The following GCKR variants were observed in gnomAD, a reference collection of about 807,000 sequenced individuals.
The protein encoded by GCKR is glucokinase regulator.
A neutral mutation model predicts 82.9 loss-of-function variants in GCKR; 73 were observed. The observed-to-expected ratio is 0.88, with a 90% CI of 0.73 to 1.07. The LOEUF (loss-of-function observed/expected upper bound fraction) is 1.07. Among genes scored for constraint, GCKR ranks in the 50% least tolerant of loss-of-function variants. GCKR has a pLI of 0.00. For synonymous variants in GCKR, 294 were observed against 291.8 expected (o/e 1.01, Z -0.08); for missense variants, 784 against 782.1 (o/e 1.00, Z -0.03).
intron 16 of GCKR, among the ~76,000 whole-genome samples, chr2:27,512,317 C>T (rs1199561347): frequency 6.8e-6 from 1 of 148,066 alleles, no homozygotes; most frequent in Non-Finnish European, 1.5e-5. Context: ...GTGGGTGGAT[C>T]ACAAGGTCAA....
At position 27,508,355 on chromosome 2, in the gene GCKR, C is replaced by T. The variant is rs978699787; in HGVS notation, c.1422+104C>T. 13 of 801,274 alleles carry T rather than the reference C, an allele frequency of 1.6e-5. No homozygotes were observed. The African/African-American group carries it at 1.8e-4, about 11-fold the overall frequency. 49.6% of individuals were successfully genotyped at this position (801,274 alleles called of 1,614,324 possible). A position where few individuals can be genotyped will look rare whatever the true frequency, so the allele number is the denominator to read the frequency against. On this transcript the variant is annotated intron_variant, in intron 16 of 18. Transcript: ENST00000264717. ...TGTAGGGCAGAAAGTTTGGAGACCT[C>T]TCTGACCCTCACAAAGCCAGCTGGG... is the stretch of plus-strand genomic sequence containing the variant.
At chr2:27,505,082 T>C (rs549339726) in intron 9 of GCKR, among the ~76,000 whole-genome samples, 78 of 127,674 alleles carry the variant, frequency 6.1e-4, no homozygotes, top group Non-Finnish European at 2.0e-4. Flanking sequence ...TCCAAGATCG[T>C]GCCACTGCAC....
chr2:27,506,704 T>G, intron 11 of GCKR, 84 bp from the exon 12 acceptor site: 1 of 1,090,698 alleles, frequency 9.2e-7, no homozygotes, highest in Non-Finnish European at 1.4e-6. Flanking sequence ...GGTCATGGTT[T>G]GTTGACTCCT....
In GCKR at chr2:27,520,704, A is replaced by G. The variant is rs1558443574; in HGVS notation, c.1573-1756A>G. On this transcript the variant is annotated intron_variant, in intron 17 of 18. Transcript: ENST00000264717. ...GTAACTTTAATATTTTGGTAGGACTACATTTCTCTTTTTAGCATTGCAAAT... is the reference window on the plus strand; with the variant it reads ...GTAACTTTAATATTTTGGTAGGACTGCATTTCTCTTTTTAGCATTGCAAAT... Among the ~76,000 whole-genome samples the G allele has an allele frequency of 2.6e-5, 4 of 152,300 alleles. No homozygotes were observed. The South Asian group carries it at 8.3e-4, about 32-fold the overall frequency.
At chr2:27,500,642 C>T (rs576909003) in intron 7 of GCKR, among the ~76,000 whole-genome samples, 60 of 152,306 alleles carry the variant, frequency 3.9e-4, no homozygotes, top group African/African-American at 1.4e-3. Context: ...GCACCAGCAA[C>T]ATCAGTGTCA....
At chr2:27,501,341 A>G (rs1669571333) in intron 8 of GCKR, 112 bp downstream of exon 8, 1 of 775,344 alleles carries the variant, frequency 1.3e-6, no homozygotes, top group Non-Finnish European at 2.3e-6. Context: ...ACCAAATCTC[A>G]GAATATTAAA....
chr2:27,505,973 G>A, intron 10 of GCKR, 137 bp downstream of exon 10: 1 of 742,938 alleles, frequency 1.3e-6, no homozygotes, highest in Non-Finnish European at 2.5e-6. Context: ...CCTGGGAAGG[G>A]AGCTGGGTAG....
Position 27,505,811 on chromosome 2 carries a change from G to C in GCKR, c.844G>C (p.Asp282His), listed in dbSNP as rs151323920. Residue 282 changes from aspartate to histidine, a missense_variant, in exon 10 of 19, where the codon GAC becomes CAC. By Grantham distance (81) the Asp-to-His change is moderately conservative. Coordinates refer to ENST00000264717, the MANE Select transcript of GCKR (RefSeq NM_001486.4). The part of the protein sequence containing the change: ...TLLLAAHKTV[D>H]QGIAASQRCL... ...GTTATTAGCAGCCCATAAGACTGTGGACCAGGGCATTGCAGCATCTCAAAG... is the reference window on the plus strand; with the variant it reads ...GTTATTAGCAGCCCATAAGACTGTGCACCAGGGCATTGCAGCATCTCAAAG... The C allele has an allele frequency of 8.2e-6, 13 of 1,591,184 alleles. No individual in the cohort carries two copies. Among genetic ancestry groups the C allele is most frequent in the Non-Finnish European group, 1.0e-5 (12 of 1,159,174 alleles).
At chr2:27,505,403 C>CAAAAAAAAAAAAAAAAAAA (rs200176153) in intron 9 of GCKR, among the ~76,000 whole-genome samples, 2 of 54,490 alleles carry the variant, frequency 3.7e-5, no homozygotes, top group African/African-American at 5.9e-5. Flanking sequence ...GACTCCATCT[C>CAAAAAAAAAAAAAAAAAAA]AAAAAAAAAA....
intron 16 of GCKR, chr2:27,509,552 G>A (rs1461652450): frequency 2.2e-6 from 1 of 446,176 alleles, no homozygotes; most frequent in Non-Finnish European, 4.5e-6. Flanking sequence ...ACATTGCCCA[G>A]GCTGTTTGCC....
Position 27,523,309 on chromosome 2 carries a change from C to T in GCKR, c.1748C>T (p.Ser583Leu), listed in dbSNP as rs201837546. The T allele has an allele frequency of 1.0e-4, 164 of 1,613,064 alleles. No homozygotes were observed. Among genetic ancestry groups the T allele is most frequent in the African/African-American group, 4.8e-4 (36 of 75,034 alleles). ...TTGCTGAGCCTCCTATTCCGGTGCT[C>T]GATCACTGAGGCTCAGGCACACCTG... ...IALLSLLFRC[S>L]ITEAQAHLAA... The change falls in exon 19 of 19, where the codon TCG becomes TTG. Residue 583 changes from serine to leucine, a missense_variant. Transcript: ENST00000264717.
intron 9 of GCKR, among the ~76,000 whole-genome samples, chr2:27,505,420 GAAAA>G (rs1171469943): frequency 1.5e-5 from 2 of 135,610 alleles, no homozygotes; most frequent in African/African-American, 2.9e-5. Flanking sequence ...AAAAAAAAAA[GAAAA>G]AAAAAGAAAA....
Position 27,522,606 on chromosome 2 carries a change from A to G in GCKR, c.1707+12A>G, listed in dbSNP as rs763706957. 11 of 1,608,204 alleles carry G rather than the reference A, an allele frequency of 6.8e-6. 1 individual carries two copies. The highest frequency in any genetic ancestry group is 4.4e-5 in the South Asian group (4 of 90,964). On this transcript the variant is annotated intron_variant, in intron 18 of 18. Transcript: ENST00000264717. ...ATGAGAAGGAACAGGTATCCTGCCCACTGCTGGTCATTCAACAAATACTTT... is the reference window on the plus strand; with the variant it reads ...ATGAGAAGGAACAGGTATCCTGCCCGCTGCTGGTCATTCAACAAATACTTT...
In GCKR at chr2:27,518,892, G is replaced by C; in HGVS notation, c.1527G>C (p.Arg509=). ...KILQNHMLDL[R]ISNSKLFWRA... ...TACAAAACCACATGTTGGACCTTCG[G>C]ATTAGCAACTCCAAGCTCTTCTGGC... The change falls in exon 17 of 19, where the codon CGG becomes CGC. Residue 509 remains arginine, a synonymous_variant. Coordinates refer to ENST00000264717, the MANE Select transcript of GCKR (RefSeq NM_001486.4). The C allele has an allele frequency of 7.0e-7, 1 of 1,431,206 alleles. No individual in the cohort carries two copies. The highest frequency in any genetic ancestry group is 9.4e-7 in the Non-Finnish European group (1 of 1,063,604). The allele number at this position is 1,431,206 out of a possible 1,614,324, so 88.7% of individuals were successfully genotyped here.
At position 27,523,525 on chromosome 2, in the gene GCKR, G is replaced by C; in HGVS notation, c.*86G>C. On this transcript the variant is annotated 3_prime_UTR_variant, in exon 19 of 19. Transcript: ENST00000264717. ...AAGGGGACTTGTGCCAGCAGAACAT[G>C]TGGGAGGAAGAAGCCCCGTTTCCAG... 1.5e-6 allele frequency: 2 copies of C among 1,374,310 alleles called. No individual in the cohort carries two copies. The highest frequency in any genetic ancestry group is 2.0e-6 in the Non-Finnish European group (2 of 978,232). The allele number at this position is 1,374,310 out of a possible 1,614,324, so 85.1% of individuals were successfully genotyped here.
At chr2:27,516,548 G>T (rs1338248325) in intron 16 of GCKR, among the ~76,000 whole-genome samples, 1 of 152,056 alleles carries the variant, frequency 6.6e-6, no homozygotes, top group African/African-American at 2.4e-5. Flanking sequence ...ACTCACCTCA[G>T]CCTCCCAAAG....
chr2:27,513,879 C>G (rs923074390), intron 16 of GCKR, among the ~76,000 whole-genome samples: 2 of 151,524 alleles, frequency 1.3e-5, no homozygotes, highest in Non-Finnish European at 2.9e-5. Flanking sequence ...GTTTATAGAT[C>G]TCTTCCTCAT....
chr2:27,510,123 C>T (rs1377954019), intron 16 of GCKR, among the ~76,000 whole-genome samples: 1 of 152,006 alleles, frequency 6.6e-6, no homozygotes, highest in Non-Finnish European at 1.5e-5. Flanking sequence ...ATTCTCCTGC[C>T]TCAGCCTCCT....
chr2:27,522,695 C>T (rs1670180709), intron 18 of GCKR, 101 bp downstream of exon 18: 5 of 987,970 alleles, frequency 5.1e-6, no homozygotes, highest in Admixed American at 3.4e-5. Context: ...CAGTGGCACT[C>T]TGCTCACAAG....
Sources: gnomAD v4.1 joint callset for allele counts (sites outside exome capture counted in the v4.1 genomes callset) on GRCh38, gnomAD v4.1.1 for gene constraint, MANE v1.5 for transcripts, NCBI Gene and HGNC (gene_info 2026-07-23, HGNC 2026-07-21) for gene names.